PSMA1: variants seen among roughly 807,000 people sequenced by gnomAD.
PSMA1 encodes the protein proteasome 20S subunit alpha 1.
PSMA1 carries 3 observed loss-of-function variants against 38.4 expected under a neutral mutation model. That is an observed-to-expected ratio of 0.08 (90% CI 0.04 to 0.20). The LOEUF (loss-of-function observed/expected upper bound fraction) is 0.20, where lower values mean the gene tolerates loss of function less well. Among genes scored for constraint, PSMA1 ranks in the 10% least tolerant of loss-of-function variants. PSMA1 has a pLI of 1.00. For synonymous variants in PSMA1, 101 were observed against 107.1 expected (o/e 0.94, Z 0.35); for missense variants, 227 against 325.3 (o/e 0.70, Z 2.32).
At chr11:14,505,421 CCTT>C (rs1408689875) in intron 9 of PSMA1, among the ~76,000 whole-genome samples, 173 bp from the exon 10 acceptor site, 2 of 151,356 alleles carry the variant, frequency 1.3e-5, no homozygotes, top group African/African-American at 2.4e-5. Flanking sequence ...TTTTTTTTCT[CCTT>C]GAGTGCTCAT....
At chr11:14,626,049 G>A (rs972254199) in intron 1 of PSMA1, among the ~76,000 whole-genome samples, 1 of 151,858 alleles carries the variant, frequency 6.6e-6, no homozygotes, top group Non-Finnish European at 1.5e-5. Context: ...TTCAAAAAAC[G>A]TTATTTTTGC....
Position 14,513,616 on chromosome 11 carries a change from T to C in PSMA1, c.498A>G (p.Gln166=), listed in dbSNP as rs184210551. The C allele has an allele frequency of 9.1e-5, 145 of 1,590,218 alleles. No individual in the cohort carries two copies. In the East Asian group the frequency reaches 1.3e-3, roughly 14 times the overall value. ...CRAMSIGARS[Q]SARTYLERHM... Reference sequence around the variant, plus strand: ...GTCTCTCCAAGTAAGTACGAGCTGATTGGGAACGGGCTCCAATGGACATGG... The same window carrying C: ...GTCTCTCCAAGTAAGTACGAGCTGACTGGGAACGGGCTCCAATGGACATGG... The change falls in exon 7 of 10, where the codon CAA becomes CAG. Residue 166 remains glutamine, a synonymous_variant. Transcript: ENST00000396394.
intron 8 of PSMA1, among the ~76,000 whole-genome samples, chr11:14,510,051 G>A (rs147601577): frequency 6.6e-6 from 1 of 152,308 alleles, no homozygotes; most frequent in Non-Finnish European, 1.5e-5. Flanking sequence ...GCCAAACAGA[G>A]TGACTGTTTT....
chr11:14,536,720 T>C (rs1377012456), intron 2 of PSMA1, among the ~76,000 whole-genome samples: 2 of 152,004 alleles, frequency 1.3e-5, no homozygotes, highest in African/African-American at 4.8e-5. Flanking sequence ...CATGCCATTC[T>C]CCTGCCTCAG....
At chr11:14,628,606 GAAT>G (rs1185628855) in intron 1 of PSMA1, among the ~76,000 whole-genome samples, 3 of 149,484 alleles carry the variant, frequency 2.0e-5, no homozygotes, top group Admixed American at 6.7e-5. Context: ...TTGCTATTGC[GAAT>G]AATGCCGCAA....
At chr11:14,624,202 A>T (rs1299893498) in intron 1 of PSMA1, among the ~76,000 whole-genome samples, 4 of 152,200 alleles carry the variant, frequency 2.6e-5, no homozygotes, top group Admixed American at 2.0e-4. Context: ...GTCAGCTCAG[A>T]AGCAACACTC....
intron 2 of PSMA1, among the ~76,000 whole-genome samples, chr11:14,575,241 TA>T (rs1031260682): frequency 6.6e-6 from 1 of 152,192 alleles, no homozygotes; most frequent in Non-Finnish European, 1.5e-5. Flanking sequence ...TTTCTTTTTT[TA>T]AATTTTAAAA....
At chr11:14,509,233 T>G (rs1442314004) in intron 8 of PSMA1, among the ~76,000 whole-genome samples, 1 of 152,162 alleles carries the variant, frequency 6.6e-6, no homozygotes, top group Non-Finnish European at 1.5e-5. Flanking sequence ...CACTATCTTC[T>G]TCACCTCAGT....
intron 2 of PSMA1, among the ~76,000 whole-genome samples, chr11:14,527,206 G>C (rs539767638): frequency 4.3e-4 from 65 of 152,248 alleles, no homozygotes; most frequent in African/African-American, 1.5e-3. Context: ...CAACGCTTAT[G>C]CTGATAAGGT....
At chr11:14,579,419 A>C (rs1261291675) in intron 2 of PSMA1, among the ~76,000 whole-genome samples, 3 of 151,030 alleles carry the variant, frequency 2.0e-5, no homozygotes, top group Non-Finnish European at 4.4e-5. Context: ...GGATACTTGG[A>C]ATTGGATTTA....
intron 2 of PSMA1, among the ~76,000 whole-genome samples, chr11:14,544,375 A>C (rs1299830357): frequency 1.3e-5 from 2 of 152,154 alleles, no homozygotes; most frequent in Non-Finnish European, 2.9e-5. Flanking sequence ...TATCATCAGG[A>C]AAGTGGAAAG....
At chr11:14,633,967 A>C (rs954632197) in intron 1 of PSMA1, among the ~76,000 whole-genome samples, 1 of 152,280 alleles carries the variant, frequency 6.6e-6, no homozygotes, top group East Asian at 1.9e-4. Context: ...TGCGCTTCCC[A>C]AGTGAGGCAA....
At position 14,514,484 on chromosome 11, in the gene PSMA1, TA is replaced by T; in HGVS notation, c.261del (p.Phe87LeufsTer25). On this transcript the variant is annotated frameshift_variant, in exon 5 of 10. Coordinates refer to ENST00000396394, the MANE Select transcript of PSMA1 (RefSeq NM_002786.4). LOFTEE classifies it high-confidence loss of function. ...LTADARLLCN[F>X]MRQECLDSRF... ...CTGGAATCCAAACACTCCTGACGCA[TA>T]AAATTACTAAAAAAGAAACAAAAAA... is the stretch of plus-strand genomic sequence containing the variant. 6.4e-7 allele frequency: 1 copy of T among 1,552,236 alleles called. No homozygotes were observed. The highest frequency in any genetic ancestry group is 8.7e-7 in the Non-Finnish European group (1 of 1,156,026).
At chr11:14,539,739 C>T (rs940546443) in intron 2 of PSMA1, among the ~76,000 whole-genome samples, 2 of 152,238 alleles carry the variant, frequency 1.3e-5, no homozygotes, top group African/African-American at 2.4e-5. Flanking sequence ...GTCCCAGCTA[C>T]TCAGGAGGCT....
At chr11:14,607,065 T>A (rs1852652651) in intron 2 of PSMA1, among the ~76,000 whole-genome samples, 1 of 152,176 alleles carries the variant, frequency 6.6e-6, no homozygotes, top group Admixed American at 6.5e-5. Flanking sequence ...AGGAAGGAGC[T>A]GAGATGAGCA....
Position 14,514,647 on chromosome 11 carries a change from C to T in PSMA1, c.255-156G>A, listed in dbSNP as rs139368923. The stretch of plus-strand genomic sequence containing the variant: ...TAAGAAAGACATGCCTGCAAGGGTG[C>T]GTTTTTGTGCTAAACTCTGGAGCCA... On this transcript the variant is annotated intron_variant, in intron 4 of 9. Coordinates refer to ENST00000396394, the MANE Select transcript of PSMA1 (RefSeq NM_002786.4). 3.3e-5 allele frequency among the ~76,000 whole-genome samples: 5 copies of T among 152,212 alleles called. No individual in the cohort carries two copies. In the East Asian group the frequency reaches 5.8e-4, roughly 18 times the overall value.
intron 2 of PSMA1, among the ~76,000 whole-genome samples, chr11:14,533,396 C>T (rs937089391): frequency 3.3e-5 from 5 of 152,114 alleles, no homozygotes; most frequent in African/African-American, 1.2e-4. Context: ...ACTCAAGAAT[C>T]TGGAATCAAG....
intron 1 of PSMA1, among the ~76,000 whole-genome samples, chr11:14,633,071 CT>C (rs1159257924): frequency 6.6e-6 from 1 of 151,716 alleles, no homozygotes; most frequent in Non-Finnish European, 1.5e-5. Flanking sequence ...ACTTCTTTGC[CT>C]TTGGTTTGAA....
intron 2 of PSMA1, among the ~76,000 whole-genome samples, chr11:14,551,505 A>C (rs896404046): frequency 6.6e-6 from 1 of 152,208 alleles, no homozygotes; most frequent in Non-Finnish European, 1.5e-5. Context: ...TGTTCATCCA[A>C]GTGCTGTCAG....
Sources: gnomAD v4.1 joint callset for allele counts (sites outside exome capture counted in the v4.1 genomes callset) on GRCh38, gnomAD v4.1.1 for gene constraint, MANE v1.5 for transcripts, NCBI Gene and HGNC (gene_info 2026-07-23, HGNC 2026-07-21) for gene names.